The following AP2A2 variants were observed in gnomAD, a reference collection of about 807,000 sequenced individuals.
AP2A2 encodes AP-2 complex subunit alpha-2.
Under a neutral mutation model 104.2 loss-of-function variants are expected in AP2A2, and 32 were observed. The observed-to-expected ratio is 0.31, with a 90% CI of 0.23 to 0.41. AP2A2 has a LOEUF of 0.41. AP2A2 is among the 10% of genes least tolerant of loss of function. The pLI is 1.00. For synonymous variants in AP2A2, 539 were observed against 533.3 expected, an observed-to-expected ratio of 1.01 and a Z score of -0.15; for missense variants, 912 against 1,261.0, an observed-to-expected ratio of 0.72 and a Z score of 4.19.
At chr11:971,998 C>T (rs1854846660) in intron 3 of AP2A2, 64 bp from the exon 4 acceptor site, 5 of 1,482,586 alleles carry the variant, frequency 3.4e-6, no homozygotes, top group African/African-American at 2.8e-5. Flanking sequence ...TGTTGGGTGA[C>T]TCAGGGCCAC....
chr11:953,047 T>C (rs924400035), intron 1 of AP2A2, among the ~76,000 whole-genome samples: 1 of 152,232 alleles, frequency 6.6e-6, no homozygotes, highest in African/African-American at 2.4e-5. Flanking sequence ...GCGTTGATCA[T>C]GCAGCTTCTA....
chr11:978,438 T>A (rs1855127104), intron 5 of AP2A2, among the ~76,000 whole-genome samples: 1 of 152,242 alleles, frequency 6.6e-6, no homozygotes, highest in East Asian at 1.9e-4. Context: ...CCTTGGATAC[T>A]TTATGATTCT....
At position 1,006,752 on chromosome 11, in the gene AP2A2, C is replaced by T; in HGVS notation, c.2296+135C>T. ...TTCCAGATGCTATATGAAAATCAGG[C>T]AGTCGTAATCTGCCTATGGTGCTGG... On this transcript the variant is annotated intron_variant, in intron 17 of 21. Transcript: ENST00000448903. 5.9e-6 allele frequency: 4 copies of T among 677,170 alleles called. No individual in the cohort carries two copies. In the South Asian group the frequency reaches 7.4e-5, roughly 13 times the overall value. 41.9% of individuals were successfully genotyped at this position (677,170 alleles called of 1,614,324 possible). A position where few individuals can be genotyped will look rare whatever the true frequency, so the allele number is the denominator to read the frequency against.
chr11:964,085 C>T (rs528975437), intron 2 of AP2A2, among the ~76,000 whole-genome samples: 3 of 152,326 alleles, frequency 2.0e-5, no homozygotes, highest in East Asian at 3.9e-4. Flanking sequence ...TGGAGACCCC[C>T]TTCCACTGTG....
At chr11:1,008,493 T>G in intron 18 of AP2A2, 1 of 254,694 alleles carries the variant, frequency 3.9e-6, no homozygotes, top group Non-Finnish European at 7.5e-6. Context: ...GCTGGTTTCC[T>G]TCGGCCCCCT....
chr11:944,776 C>T (rs1853776799), intron 1 of AP2A2, among the ~76,000 whole-genome samples: 1 of 150,588 alleles, frequency 6.6e-6, no homozygotes. Context: ...GTGGTAAGTG[C>T]AGAGGCCTTT....
chr11:975,369 TCC>T (rs1854987310), intron 4 of AP2A2, among the ~76,000 whole-genome samples: 2 of 147,094 alleles, frequency 1.4e-5, no homozygotes, highest in African/African-American at 2.6e-5. Flanking sequence ...GTCCTCGGTC[TCC>T]CTCTTACGAG....
At position 976,466 on chromosome 11, in the gene AP2A2, T is replaced by A. The variant is rs534873904; in HGVS notation, c.474-629T>A. On this transcript the variant is annotated intron_variant, in intron 4 of 21. Transcript: ENST00000448903. ...TGCCTCCACAGCGTCCACCCCAGGG[T>A]CCCTGTTGCCTTCCCAGCTGCTTAG... Among the ~76,000 whole-genome samples, 55 of 152,124 alleles carry A rather than the reference T, an allele frequency of 3.6e-4. 1 individual carries two copies. Among genetic ancestry groups the A allele is most frequent in the Non-Finnish European group, 6.2e-4 (42 of 67,990 alleles).
At chr11:972,885 A>G (rs1854882134) in intron 4 of AP2A2, among the ~76,000 whole-genome samples, 1 of 152,228 alleles carries the variant, frequency 6.6e-6, no homozygotes, top group Non-Finnish European at 1.5e-5. Context: ...CCCGTTCCCC[A>G]GGGCTTCACG....
chr11:984,616 C>G, intron 6 of AP2A2, 29 bp from the exon 7 acceptor site: 1 of 1,551,618 alleles, frequency 6.4e-7, no homozygotes, highest in Non-Finnish European at 8.9e-7. Context: ...TGTCCGGCAG[C>G]GTGTCTCATT....
intron 1 of AP2A2, among the ~76,000 whole-genome samples, chr11:938,579 A>G (rs1853542341): frequency 6.7e-6 from 1 of 150,064 alleles, no homozygotes; most frequent in Non-Finnish European, 1.5e-5. Flanking sequence ...GGTTCACGCC[A>G]TTCTCCTGCC....
intron 2 of AP2A2, among the ~76,000 whole-genome samples, chr11:964,674 GAAC>G (rs766426297): frequency 4.7e-4 from 71 of 151,798 alleles, no homozygotes; most frequent in Middle Eastern, 6.8e-3. Flanking sequence ...AAAATGTTGT[GAAC>G]AACAACAACA....
At chr11:981,175 CTT>C (rs1345459460) in intron 5 of AP2A2, 21 bp from the exon 6 acceptor site, 4 of 1,591,068 alleles carry the variant, frequency 2.5e-6, no homozygotes, top group South Asian at 2.3e-5. Context: ...TGTTCTGACT[CTT>C]GTGTGTGTGT....
chr11:988,829 C>T (rs1564812035), intron 10 of AP2A2, 140 bp downstream of exon 10: 6 of 1,141,100 alleles, frequency 5.3e-6, no homozygotes. Flanking sequence ...TCCTCTGCCT[C>T]TGTGTTTTCA....
At chr11:982,341 G>A (rs533405141) in intron 6 of AP2A2, among the ~76,000 whole-genome samples, 6 of 152,290 alleles carry the variant, frequency 3.9e-5, no homozygotes, top group Middle Eastern at 3.4e-3. Flanking sequence ...GTGAGCCACC[G>A]CACCCGGCCT....
chr11:999,953 A>G (rs545414518), intron 14 of AP2A2, among the ~76,000 whole-genome samples: 97 of 151,524 alleles, frequency 6.4e-4, no homozygotes, highest in South Asian at 2.1e-3. Context: ...ACAGGCGCCC[A>G]CCACCACGCC....
chr11:964,818 T>C (rs1029723774), intron 2 of AP2A2, among the ~76,000 whole-genome samples: 1 of 127,202 alleles, frequency 7.9e-6, no homozygotes, highest in African/African-American at 2.8e-5. Flanking sequence ...ATGGAAAGCA[T>C]GGAACGGGCA....
intron 2 of AP2A2, among the ~76,000 whole-genome samples, chr11:969,760 C>G (rs1445142522): frequency 6.6e-6 from 1 of 152,094 alleles, no homozygotes; most frequent in African/African-American, 2.4e-5. Flanking sequence ...GTTCATATGC[C>G]TAAATTAAAC....
At chr11:957,446 T>C (rs1854275278) in intron 1 of AP2A2, among the ~76,000 whole-genome samples, 1 of 152,094 alleles carries the variant, frequency 6.6e-6, no homozygotes, top group South Asian at 2.1e-4. Flanking sequence ...TCCCCCGGGG[T>C]GTGGGGCAGG....
Sources: gnomAD v4.1 joint callset for allele counts (sites outside exome capture counted in the v4.1 genomes callset) on GRCh38, gnomAD v4.1.1 for gene constraint, MANE v1.5 for transcripts, NCBI Gene and HGNC (gene_info 2026-07-23, HGNC 2026-07-21) for gene names.